The following CR1L variants were observed in gnomAD, a reference collection of about 807,000 sequenced individuals.
The protein encoded by CR1L is complement C3b/C4b receptor 1 like.
Under a neutral mutation model 62.3 loss-of-function variants are expected in CR1L, and 59 were observed. The observed-to-expected ratio is 0.95, with a 90% confidence interval of 0.77 to 1.18. The LOEUF is 1.18. Among genes scored for constraint, CR1L ranks in the 50% most tolerant of loss-of-function variants. CR1L has a pLI of 0.00. For synonymous variants in CR1L, 279 were observed against 248.7 expected (o/e 1.12, Z -1.15); for missense variants, 700 against 702.8 (o/e 1.00, Z 0.04).
At position 207,723,628 on chromosome 1, in the gene CR1L, T is replaced by C. The variant is rs1654186595; in HGVS notation, c.1653T>C (p.Asp551=). The change falls in exon 12 of 12, where the codon GAT becomes GAC. Residue 551 remains aspartate (D), a synonymous_variant. Coordinates refer to ENST00000508064, the MANE Select transcript of CR1L (RefSeq NM_175710.2). The part of the protein sequence containing the change: ...CELPVGAGSH[D]ALIVGKFYEV... ...TTGTCTTCCTTTTAGGTTCACATGA[T>C]GCTCTTATAGTTGGTAAGTTTTATG... The C allele has an allele frequency of 6.3e-7, 1 of 1,596,732 alleles. No homozygotes were observed. The highest frequency in any genetic ancestry group is 2.2e-5 in the East Asian group (1 of 44,654).
chr1:207,701,670 A>G, intron 9 of CR1L, 52 bp downstream of exon 9: 1 of 1,610,392 alleles, frequency 6.2e-7, no homozygotes, highest in Non-Finnish European at 8.5e-7. Context: ...CAGCAATACT[A>G]CCTTCTAGCC....
intron 11 of CR1L, among the ~76,000 whole-genome samples, chr1:207,721,250 G>C (rs1395982101): frequency 6.6e-6 from 1 of 151,858 alleles, no homozygotes; most frequent in Non-Finnish European, 1.5e-5. Flanking sequence ...GTGCAGGTTA[G>C]TTACATATGT....
chr1:207,676,855 C>T (rs1027565085), intron 1 of CR1L, among the ~76,000 whole-genome samples: 13 of 152,094 alleles, frequency 8.5e-5, no homozygotes, highest in African/African-American at 3.1e-4. Flanking sequence ...GGGGTTTCAC[C>T]ATGTTGGCCA....
rs1663719623 is a variant in CR1L at position 207,677,674 on chromosome 1, T to C, written c.277+106T>C. On this transcript the variant is annotated intron_variant, in intron 2 of 11. Transcript: ENST00000508064. The stretch of plus-strand genomic sequence containing the variant: ...GAGTTGCATACAACAATTAGTTTGC[T>C]AAGGTGCAATACATATGAGAATTAT... 5.5e-6 allele frequency: 7 copies of C among 1,284,112 alleles called. No individual in the cohort carries two copies. In the South Asian group the frequency reaches 8.6e-5, roughly 16 times the overall value. The allele number at this position is 1,284,112 out of a possible 1,614,324, so 79.5% of individuals were successfully genotyped here.
At chr1:207,695,400 G>A (rs1664062028) in intron 5 of CR1L, among the ~76,000 whole-genome samples, 1 of 152,190 alleles carries the variant, frequency 6.6e-6, no homozygotes, top group South Asian at 2.1e-4. Context: ...AAAGTGCTGA[G>A]ATTATAGGCA....
chr1:207,704,269 G>C (rs1300862877), intron 9 of CR1L, among the ~76,000 whole-genome samples: 1 of 152,324 alleles, frequency 6.6e-6, no homozygotes, highest in East Asian at 1.9e-4. Flanking sequence ...GAGCCTAAAG[G>C]TGTGACTGTA....
intron 7 of CR1L, among the ~76,000 whole-genome samples, chr1:207,698,489 G>C (rs1199376902): frequency 6.6e-6 from 1 of 152,148 alleles, no homozygotes; most frequent in African/African-American, 2.4e-5. Flanking sequence ...TCTTCACAGG[G>C]TGCACATCTC....
At chr1:207,710,809 G>A in intron 10 of CR1L, 2 of 1,534,896 alleles carry the variant, frequency 1.3e-6, no homozygotes, top group South Asian at 1.1e-5. Flanking sequence ...GGCCTAGAAG[G>A]GCCCTGCAAG....
chr1:207,721,738 C>T (rs2102486366), intron 11 of CR1L, among the ~76,000 whole-genome samples: 1 of 151,974 alleles, frequency 6.6e-6, no homozygotes, highest in East Asian at 1.9e-4. Flanking sequence ...AATGGTATTT[C>T]CAGTTCTAGA....
At chr1:207,646,746 A>G (rs758334100) in intron 1 of CR1L, among the ~76,000 whole-genome samples, 8 of 151,094 alleles carry the variant, frequency 5.3e-5, no homozygotes, top group Non-Finnish European at 1.2e-4. Context: ...GCCAAAAAAT[A>G]CATGCTTAAA....
At chr1:207,660,296 T>G (rs1245234223) in intron 1 of CR1L, among the ~76,000 whole-genome samples, 1 of 152,190 alleles carries the variant, frequency 6.6e-6, no homozygotes, top group Non-Finnish European at 1.5e-5. Context: ...CTCACACAGG[T>G]GGGTGCCCCT....
chr1:207,678,137 T>C (rs878959592), intron 2 of CR1L, 61 bp from the exon 3 acceptor site: 7 of 1,450,010 alleles, frequency 4.8e-6, no homozygotes, highest in East Asian at 4.6e-5. Context: ...TGAGACCTTA[T>C]GTACTAAAAA....
intron 8 of CR1L, among the ~76,000 whole-genome samples, chr1:207,699,858 G>A (rs1394957358): frequency 4.6e-5 from 7 of 151,960 alleles, no homozygotes; most frequent in African/African-American, 1.7e-4. Context: ...GTAGGGAGAA[G>A]GACAAGGAAA....
intron 10 of CR1L, among the ~76,000 whole-genome samples, chr1:207,714,505 C>T (rs1653939655): frequency 6.6e-6 from 1 of 152,152 alleles, no homozygotes; most frequent in African/African-American, 2.4e-5. Context: ...CCCCATCTGC[C>T]TGTGATTTGT....
intron 9 of CR1L, among the ~76,000 whole-genome samples, chr1:207,706,440 G>A (rs1664269167): frequency 1.3e-5 from 2 of 151,644 alleles, no homozygotes; most frequent in African/African-American, 4.8e-5. Context: ...AAAAAGAGAA[G>A]ACGTATGTAA....
At chr1:207,669,453 C>A in intron 1 of CR1L, 1 of 1,426,434 alleles carries the variant, frequency 7.0e-7, no homozygotes, top group South Asian at 1.1e-5. Context: ...GGATGGGGGT[C>A]TCTTCTCCGA....
At chr1:207,682,138 A>T (rs754970105) in intron 3 of CR1L, among the ~76,000 whole-genome samples, 8 of 152,148 alleles carry the variant, frequency 5.3e-5, no homozygotes, top group Admixed American at 3.3e-4. Flanking sequence ...CAGAACTTAA[A>T]GTATAATAAA....
chr1:207,701,999 G>A (rs1409562204), intron 9 of CR1L, among the ~76,000 whole-genome samples: 1 of 152,174 alleles, frequency 6.6e-6, no homozygotes, highest in Non-Finnish European at 1.5e-5. Flanking sequence ...TGCTAGGGCT[G>A]CCATCAAAAA....
At chr1:207,701,770 G>C (rs1294875680) in intron 9 of CR1L, 152 bp downstream of exon 9, 2 of 1,086,962 alleles carry the variant, frequency 1.8e-6, no homozygotes, top group Non-Finnish European at 2.8e-6. Context: ...AACAAAGATA[G>C]GAGAAGATTA....
Sources: gnomAD v4.1 joint callset for allele counts (sites outside exome capture counted in the v4.1 genomes callset) on GRCh38, gnomAD v4.1.1 for gene constraint, MANE v1.5 for transcripts, NCBI Gene and HGNC (gene_info 2026-07-23, HGNC 2026-07-21) for gene names.